The following TBCK variants were observed in gnomAD, a reference collection of about 807,000 sequenced individuals.
TBCK encodes the protein TBC1 domain containing kinase.
TBCK carries 99 observed loss-of-function variants against 113.4 expected under a neutral mutation model. That is an observed-to-expected ratio of 0.87 (90% CI 0.74 to 1.03). TBCK has a LOEUF of 1.03. Among genes scored for constraint, TBCK ranks in the 50% least tolerant of loss-of-function variants. The pLI, the probability that TBCK is intolerant of heterozygous loss-of-function variation, is 0.00. For synonymous variants in TBCK, 369 were observed against 370.8 expected (o/e 1.00, Z 0.05); for missense variants, 1,045 against 1,061.3 (o/e 0.98, Z 0.21).
At chr4:106,154,937 G>A (rs571188984) in intron 23 of TBCK, among the ~76,000 whole-genome samples, 2 of 151,504 alleles carry the variant, frequency 1.3e-5, no homozygotes, top group South Asian at 2.1e-4. Context: ...GTTTTTCTGT[G>A]TACTATTACT....
At chr4:106,279,513 T>G (rs565941013) in intron 3 of TBCK, among the ~76,000 whole-genome samples, 1 of 152,282 alleles carries the variant, frequency 6.6e-6, no homozygotes, top group South Asian at 2.1e-4. Context: ...TATTGTTGAC[T>G]ATAGTCACAA....
At chr4:106,224,729 T>A (rs1292432493) in intron 19 of TBCK, among the ~76,000 whole-genome samples, 1 of 152,176 alleles carries the variant, frequency 6.6e-6, no homozygotes, top group Non-Finnish European at 1.5e-5. Context: ...ACCCGACAGA[T>A]CAGATTTGAT....
chr4:106,192,673 A>G (rs997209056), intron 22 of TBCK, among the ~76,000 whole-genome samples: 1 of 152,176 alleles, frequency 6.6e-6, no homozygotes, highest in African/African-American at 2.4e-5. Flanking sequence ...GAGAGGCGGT[A>G]AAGTACCAAG....
chr4:106,157,154 G>C (rs1203962920), intron 23 of TBCK, among the ~76,000 whole-genome samples: 1 of 152,254 alleles, frequency 6.6e-6, no homozygotes, highest in East Asian at 1.9e-4. Context: ...CTAGGTCCTG[G>C]AAAGGGGGAT....
chr4:106,299,224 G>C (rs1239944116), intron 2 of TBCK, among the ~76,000 whole-genome samples: 4 of 152,176 alleles, frequency 2.6e-5, no homozygotes, highest in Non-Finnish European at 4.4e-5. Context: ...GCAAAGGCAT[G>C]ATGTGGCCAT....
chr4:106,144,980 A>G (rs529328351), intron 23 of TBCK, among the ~76,000 whole-genome samples: 2 of 148,176 alleles, frequency 1.3e-5, no homozygotes, highest in African/African-American at 2.5e-5. Context: ...TGAGATCGCT[A>G]CTGCACTCCA....
intron 25 of TBCK, among the ~76,000 whole-genome samples, chr4:106,089,172 T>C (rs12642900): frequency 0.32 from 48,903 of 151,646 alleles, 8,083 homozygotes; most frequent in African/African-American, 0.37. Flanking sequence ...CAACAGGGAG[T>C]TAGCATGTCA....
intron 23 of TBCK, among the ~76,000 whole-genome samples, chr4:106,145,217 C>A (rs1330473179): frequency 6.6e-6 from 1 of 151,610 alleles, no homozygotes; most frequent in Non-Finnish European, 1.5e-5. Flanking sequence ...ACTTGTGAGG[C>A]TGAGGCAGGA....
intron 23 of TBCK, among the ~76,000 whole-genome samples, chr4:106,117,248 C>A (rs927505931): frequency 1.3e-5 from 2 of 152,094 alleles, no homozygotes; most frequent in African/African-American, 4.8e-5. Context: ...TAAATATAAA[C>A]TACTGTTGTT....
intron 25 of TBCK, among the ~76,000 whole-genome samples, chr4:106,066,262 C>T (rs571238646): frequency 4.2e-4 from 64 of 151,860 alleles, no homozygotes; most frequent in Non-Finnish European, 8.7e-4. Flanking sequence ...ATTTGTATGT[C>T]AAATGGATGA....
intron 19 of TBCK, among the ~76,000 whole-genome samples, chr4:106,215,754 C>G (rs537372839): frequency 6.6e-6 from 1 of 151,156 alleles, no homozygotes; most frequent in African/African-American, 2.4e-5. Flanking sequence ...TAGACTCCCA[C>G]ACATTAATAA....
intron 22 of TBCK, among the ~76,000 whole-genome samples, chr4:106,175,807 T>C (rs1243822736): frequency 1.3e-5 from 2 of 152,172 alleles, no homozygotes; most frequent in African/African-American, 4.8e-5. Flanking sequence ...TGGCTGTGCA[T>C]GCTCTACATA....
chr4:106,236,858 C>A lies in TBCK; in HGVS notation c.1171-50G>T, dbSNP rs1488251731. ...TATGTATAAACATATTGGGCAGAAACCCTGATCTGTGTTTAAAAAGACAAG... is the reference window on the plus strand; with the variant it reads ...TATGTATAAACATATTGGGCAGAAAACCTGATCTGTGTTTAAAAAGACAAG... On this transcript the variant is annotated intron_variant, in intron 12 of 25. Coordinates refer to ENST00000394708, the MANE Select transcript of TBCK (RefSeq NM_001163435.3). The A allele has an allele frequency of 5.6e-6, 6 of 1,072,746 alleles. No individual in the cohort carries two copies. The African/African-American group carries it at 6.7e-5, about 12-fold the overall frequency. The allele number at this position is 1,072,746 out of a possible 1,614,324, so 66.5% of individuals were successfully genotyped here.
At chr4:106,143,643 C>T (rs1434836295) in intron 23 of TBCK, among the ~76,000 whole-genome samples, 3 of 152,070 alleles carry the variant, frequency 2.0e-5, no homozygotes, top group African/African-American at 7.2e-5. Flanking sequence ...GGCCGGGTGC[C>T]GTGGCTCACC....
At position 106,308,972 on chromosome 4, in the gene TBCK, T is replaced by G; in HGVS notation, c.-12A>C. ...TTCAGGGGAAACATTTTTGGAGTCCTAGGTCTTCTAAGATAATCTGGAAAA... is the reference window on the plus strand; with the variant it reads ...TTCAGGGGAAACATTTTTGGAGTCCGAGGTCTTCTAAGATAATCTGGAAAA... On this transcript the variant is annotated 5_prime_UTR_variant, in exon 2 of 26. Coordinates refer to ENST00000394708, the MANE Select transcript of TBCK (RefSeq NM_001163435.3). The G allele has an allele frequency of 1.2e-6, 2 of 1,607,772 alleles. No homozygotes were observed. The highest frequency in any genetic ancestry group is 1.7e-6 in the Non-Finnish European group (2 of 1,177,114).
chr4:106,224,466 T>C (rs1445574461), intron 19 of TBCK, among the ~76,000 whole-genome samples: 1 of 152,160 alleles, frequency 6.6e-6, no homozygotes, highest in African/African-American at 2.4e-5. Flanking sequence ...TCCCAAAATT[T>C]GTGGAGAAGA....
chr4:106,232,822 G>A (rs761375504), intron 17 of TBCK, 116 bp downstream of exon 17: 32 of 981,876 alleles, frequency 3.3e-5, no homozygotes, highest in South Asian at 5.8e-5. Context: ...GAATCAGAGC[G>A]TCAATATTGA....
intron 3 of TBCK, among the ~76,000 whole-genome samples, chr4:106,279,359 A>G (rs905790017): frequency 1.3e-5 from 2 of 152,176 alleles, no homozygotes; most frequent in Non-Finnish European, 2.9e-5. Flanking sequence ...TATGTGGTAC[A>G]TGATATATTC....
At chr4:106,252,654 G>A (rs1761563746) in intron 5 of TBCK, among the ~76,000 whole-genome samples, 2 of 151,930 alleles carry the variant, frequency 1.3e-5, no homozygotes, top group African/African-American at 4.8e-5. Flanking sequence ...TACTTAATTT[G>A]ATGAAACAAA....
Sources: gnomAD v4.1 joint callset for allele counts (sites outside exome capture counted in the v4.1 genomes callset) on GRCh38, gnomAD v4.1.1 for gene constraint, MANE v1.5 for transcripts, NCBI Gene and HGNC (gene_info 2026-07-23, HGNC 2026-07-21) for gene names.